Variants in CPNE4 observed in about 807,000 individuals in gnomAD.
CPNE4 encodes copine-4.
Under a neutral mutation model 67.9 loss-of-function variants are expected in CPNE4, and 25 were observed. That is an observed-to-expected ratio of 0.37 (90% CI 0.27 to 0.51). The LOEUF (loss-of-function observed/expected upper bound fraction) is 0.51. Ranked by LOEUF, CPNE4 falls within the 20% of genes least tolerant of loss-of-function variation. The pLI, the probability that CPNE4 is intolerant of heterozygous loss-of-function variation, is 0.93. For synonymous variants in CPNE4, 242 were observed against 244.9 expected, an observed-to-expected ratio of 0.99 and a Z score of 0.11; for missense variants, 464 against 690.8, an observed-to-expected ratio of 0.67 and a Z score of 3.68.
chr3:131,737,403 C>T (rs2082263075), intron 2 of CPNE4, among the ~76,000 whole-genome samples: 2 of 152,034 alleles, frequency 1.3e-5, no homozygotes, highest in Non-Finnish European at 1.5e-5. Context: ...CTCCTACTCA[C>T]TTGTCATTAA....
chr3:131,888,929 T>G (rs2088002495), intron 2 of CPNE4, among the ~76,000 whole-genome samples: 1 of 152,196 alleles, frequency 6.6e-6, no homozygotes, highest in Admixed American at 6.5e-5. Context: ...ATACTTGGGT[T>G]GGCCAGCAGA....
chr3:131,940,068 C>G (rs7610004), intron 1 of CPNE4, among the ~76,000 whole-genome samples: 26,600 of 151,926 alleles, frequency 0.18, 2,626 homozygotes, highest in East Asian at 0.31. Context: ...TGTATGTGCT[C>G]TAACCCTGTC....
At chr3:131,954,241 T>C (rs144839564) in intron 1 of CPNE4, among the ~76,000 whole-genome samples, 4 of 151,992 alleles carry the variant, frequency 2.6e-5, no homozygotes, top group Admixed American at 1.3e-4. Flanking sequence ...ATACTTTGAG[T>C]TCTAGAAAAA....
intron 2 of CPNE4, among the ~76,000 whole-genome samples, chr3:131,834,730 A>T (rs1349554750): frequency 6.6e-6 from 1 of 152,194 alleles, no homozygotes; most frequent in Non-Finnish European, 1.5e-5. Flanking sequence ...AAATCACAGT[A>T]GAAAAAAACT....
intron 2 of CPNE4, among the ~76,000 whole-genome samples, chr3:131,875,370 A>G (rs1231073406): frequency 6.6e-6 from 1 of 152,230 alleles, no homozygotes. Flanking sequence ...TGCTATAAAG[A>G]CACATGCACA....
Position 131,891,088 on chromosome 3 carries a change from G to A in CPNE4, c.180+14176C>T, listed in dbSNP as rs188444604. On this transcript the variant is annotated intron_variant, in intron 2 of 15. Coordinates refer to ENST00000429747, the MANE Select transcript of CPNE4 (RefSeq NM_130808.3). ...TAAGAGGACAGATCTCATGTTAAGG[G>A]TTCTTAGCAGAAAAACAAACAAACA... 2.0e-3 allele frequency among the ~76,000 whole-genome samples: 300 copies of A among 152,076 alleles called. 2 individuals are homozygous for A. The Middle Eastern group carries it at 0.027, about 14-fold the overall frequency.
chr3:131,627,615 G>T (rs1224515952), intron 7 of CPNE4, among the ~76,000 whole-genome samples: 3 of 152,206 alleles, frequency 2.0e-5, no homozygotes, highest in Non-Finnish European at 4.4e-5. Context: ...GTTTGGAAAG[G>T]ATTCATGACT....
intron 1 of CPNE4, among the ~76,000 whole-genome samples, chr3:131,991,871 G>A (rs1015929284): frequency 2.2e-5 from 3 of 136,056 alleles, no homozygotes; most frequent in Non-Finnish European, 5.0e-5. Flanking sequence ...TGGCTAAAAG[G>A]GGCCAAGGTA....
intron 1 of CPNE4, among the ~76,000 whole-genome samples, chr3:131,946,036 T>C (rs2071543107): frequency 6.6e-6 from 1 of 152,174 alleles, no homozygotes; most frequent in African/African-American, 2.4e-5. Context: ...AAATTCACAT[T>C]ACATAGAAAC....
At chr3:131,879,175 A>G (rs1381954521) in intron 2 of CPNE4, among the ~76,000 whole-genome samples, 1 of 152,242 alleles carries the variant, frequency 6.6e-6, no homozygotes, top group Non-Finnish European at 1.5e-5. Context: ...TTTGTCAGTG[A>G]GTAAAAATCA....
At chr3:131,801,379 A>C (rs2084104372) in intron 2 of CPNE4, among the ~76,000 whole-genome samples, 1 of 104,330 alleles carries the variant, frequency 9.6e-6, no homozygotes, top group Non-Finnish European at 1.9e-5. Context: ...TACCATATAT[A>C]TATATATGGT....
At chr3:131,787,270 A>G (rs1393356354) in intron 2 of CPNE4, among the ~76,000 whole-genome samples, 1 of 152,192 alleles carries the variant, frequency 6.6e-6, no homozygotes, top group East Asian at 1.9e-4. Flanking sequence ...ATGTTGAAGT[A>G]GATTTAGGGG....
chr3:132,010,772 C>G (rs1396968761), intron 1 of CPNE4, among the ~76,000 whole-genome samples: 1 of 152,188 alleles, frequency 6.6e-6, no homozygotes, highest in Non-Finnish European at 1.5e-5. Context: ...TGGTCTGACA[C>G]CCCTCCTCCC....
chr3:131,763,593 C>A (rs2082942712), intron 2 of CPNE4, among the ~76,000 whole-genome samples: 1 of 152,100 alleles, frequency 6.6e-6, no homozygotes, highest in Non-Finnish European at 1.5e-5. Context: ...GGAAATTGTG[C>A]TTCTGGCTCT....
intron 1 of CPNE4, among the ~76,000 whole-genome samples, chr3:131,994,057 A>G (rs1259157952): frequency 1.5e-5 from 2 of 136,560 alleles, no homozygotes; most frequent in Non-Finnish European, 3.3e-5. Context: ...TTGCAAAAGT[A>G]CTATTTATAA....
intron 11 of CPNE4, among the ~76,000 whole-genome samples, chr3:131,562,295 G>C (rs1297568388): frequency 6.6e-6 from 1 of 151,972 alleles, no homozygotes; most frequent in Admixed American, 6.6e-5. Context: ...GAGACGTTCA[G>C]CAGCTTCTTC....
At chr3:131,906,550 G>A (rs1344463043) in intron 1 of CPNE4, among the ~76,000 whole-genome samples, 5 of 151,700 alleles carry the variant, frequency 3.3e-5, no homozygotes, top group Non-Finnish European at 7.4e-5. Context: ...ATGGTTTCCA[G>A]CTTCATCCAT....
At chr3:131,653,143 C>CTTTTTTT (rs1206489252) in intron 7 of CPNE4, among the ~76,000 whole-genome samples, 9 of 98,566 alleles carry the variant, frequency 9.1e-5, no homozygotes, top group African/African-American at 1.7e-4. Flanking sequence ...GATAGGACTT[C>CTTTTTTT]TTTTTTTTTT....
chr3:131,915,072 T>C (rs1001841039), intron 1 of CPNE4, among the ~76,000 whole-genome samples: 1 of 152,218 alleles, frequency 6.6e-6, no homozygotes, highest in Admixed American at 6.5e-5. Flanking sequence ...TTGAGACAAC[T>C]TCTTGAGATC....
Sources: gnomAD v4.1 joint callset for allele counts (sites outside exome capture counted in the v4.1 genomes callset) on GRCh38, gnomAD v4.1.1 for gene constraint, MANE v1.5 for transcripts, NCBI Gene and HGNC (gene_info 2026-07-23, HGNC 2026-07-21) for gene names.